RAB3GAP2: variants seen among roughly 807,000 people sequenced by gnomAD.
RAB3GAP2 encodes the protein RAB3 GTPase activating non-catalytic protein subunit 2.
RAB3GAP2 carries 87 observed loss-of-function variants against 185.3 expected under a neutral mutation model. That is an observed-to-expected ratio of 0.47 (90% CI 0.39 to 0.56). The LOEUF is 0.56. Ranked by LOEUF, RAB3GAP2 falls within the 20% of genes least tolerant of loss-of-function variation. The pLI is 0.00. For missense variants in RAB3GAP2, 1,492 were observed against 1,638.2 expected (o/e 0.91, Z 1.54); for synonymous variants, 554 against 576.1 (o/e 0.96, Z 0.55).
intron 17 of RAB3GAP2, among the ~76,000 whole-genome samples, chr1:220,188,396 A>C (rs145452908): frequency 6.6e-5 from 10 of 152,312 alleles, no homozygotes; most frequent in African/African-American, 2.4e-4. Flanking sequence ...AGAGTTATCC[A>C]TGGGGATCGA....
At chr1:220,182,068 T>A (rs1004507917) in intron 21 of RAB3GAP2, among the ~76,000 whole-genome samples, 189 bp downstream of exon 21, 1 of 137,466 alleles carries the variant, frequency 7.3e-6, no homozygotes, top group African/African-American at 3.0e-5. Context: ...AATTACAGGG[T>A]ATAAGAAAAA....
At chr1:220,205,880 G>A (rs767978721) in intron 8 of RAB3GAP2, 27 bp downstream of exon 8, 3 of 1,449,710 alleles carry the variant, frequency 2.1e-6, no homozygotes, top group Non-Finnish European at 1.9e-6. Context: ...ATTAACAGAG[G>A]TTAAATATTT....
Position 220,196,427 on chromosome 1 carries a change from G to A in RAB3GAP2, c.812-29C>T, listed in dbSNP as rs1029753822. The A allele has an allele frequency of 1.9e-6, 3 of 1,553,142 alleles. No homozygotes were observed. In the African/African-American group the frequency reaches 4.1e-5, roughly 21 times the overall value. On this transcript the variant is annotated intron_variant, in intron 9 of 34. Transcript: ENST00000358951. The stretch of plus-strand genomic sequence containing the variant: ...ATAAAAAAAAAAAAGTGATTTGAAT[G>A]TACAATGTTATTGCGGTCATTACAT...
intron 1 of RAB3GAP2, chr1:220,267,380 T>C: frequency 3.2e-6 from 4 of 1,239,846 alleles, no homozygotes; most frequent in Non-Finnish European, 4.8e-6. Flanking sequence ...TCTACTTCTC[T>C]TCTGAGTTGA....
chr1:220,189,514 A>C (rs1658571149), intron 17 of RAB3GAP2, among the ~76,000 whole-genome samples, 189 bp downstream of exon 17: 1 of 56,672 alleles, frequency 1.8e-5, no homozygotes, highest in African/African-American at 7.0e-5. Flanking sequence ...CATGAATATT[A>C]ATTTTTTTTT....
intron 33 of RAB3GAP2, 80 bp downstream of exon 33, chr1:220,153,105 T>C (rs1330122003): frequency 4.6e-6 from 5 of 1,089,288 alleles, no homozygotes; most frequent in African/African-American, 1.5e-5. Flanking sequence ...AAAGGCTTCA[T>C]TGGAAACTTA....
At chr1:220,240,191 A>C (rs1219226510) in intron 1 of RAB3GAP2, among the ~76,000 whole-genome samples, 1 of 152,172 alleles carries the variant, frequency 6.6e-6, no homozygotes, top group Admixed American at 6.5e-5. Flanking sequence ...ATTCACATCC[A>C]TAGGAGACGT....
Position 220,153,396 on chromosome 1 carries a change from T to A in RAB3GAP2, c.3656A>T (p.Lys1219Ile). 1 of 1,614,040 alleles carries A rather than the reference T, an allele frequency of 6.2e-7. No homozygotes were observed. Among genetic ancestry groups the A allele is most frequent in the Non-Finnish European group, 8.5e-7 (1 of 1,179,890 alleles). The change falls in exon 33 of 35, where the codon AAA becomes ATA. Residue 1219 changes from lysine to isoleucine, a missense_variant. Coordinates refer to ENST00000358951, the MANE Select transcript of RAB3GAP2 (RefSeq NM_012414.4). ...GGCCTGGACAGCTGCACTGACAACT[T>A]TCAATAAGAACTTGAAAATGGAGAA... ...FISVRQQFLL[K>I]VVSAAVQAQH...
intron 1 of RAB3GAP2, among the ~76,000 whole-genome samples, chr1:220,255,238 CA>C (rs1660014664): frequency 6.6e-6 from 1 of 150,394 alleles, no homozygotes; most frequent in African/African-American, 2.4e-5. Flanking sequence ...ACAACAACAA[CA>C]ACATGAACAA....
At chr1:220,228,790 T>C (rs1471361294) in intron 2 of RAB3GAP2, among the ~76,000 whole-genome samples, 4 of 152,228 alleles carry the variant, frequency 2.6e-5, no homozygotes, top group Non-Finnish European at 1.5e-5. Flanking sequence ...ATGAGGTCTA[T>C]CAACAATTTT....
intron 17 of RAB3GAP2, among the ~76,000 whole-genome samples, chr1:220,186,941 T>C (rs941903118): frequency 2.0e-5 from 3 of 152,228 alleles, no homozygotes; most frequent in African/African-American, 7.2e-5. Context: ...GTCATCATCA[T>C]GTCATCTCTA....
chr1:220,161,523 T>C (rs748638411), intron 28 of RAB3GAP2, among the ~76,000 whole-genome samples: 2 of 152,170 alleles, frequency 1.3e-5, no homozygotes, highest in African/African-American at 2.4e-5. Flanking sequence ...TCTATGCTTA[T>C]ATGTTATGCT....
chr1:220,253,425 C>G (rs1659974322), intron 1 of RAB3GAP2: 2 of 1,324,900 alleles, frequency 1.5e-6, no homozygotes, highest in Non-Finnish European at 2.0e-6. Flanking sequence ...GGTAGAGTGG[C>G]CAGACTGTTA....
intron 21 of RAB3GAP2, among the ~76,000 whole-genome samples, chr1:220,176,742 C>T (rs1385921678): frequency 1.3e-5 from 2 of 152,174 alleles, no homozygotes; most frequent in African/African-American, 4.8e-5. Flanking sequence ...CAACCTCTAT[C>T]TCACAGCAGA....
At chr1:220,219,827 C>T (rs144026956) in intron 2 of RAB3GAP2, among the ~76,000 whole-genome samples, 4 of 152,130 alleles carry the variant, frequency 2.6e-5, no homozygotes, top group Non-Finnish European at 4.4e-5. Context: ...TGATTTCCAG[C>T]GCCAGTTCCA....
chr1:220,203,160 A>C (rs2102876178), intron 8 of RAB3GAP2, among the ~76,000 whole-genome samples: 1 of 152,344 alleles, frequency 6.6e-6, no homozygotes, highest in Admixed American at 6.5e-5. Flanking sequence ...ATAGAAAGAT[A>C]TGTAAAAAGC....
At chr1:220,203,280 G>A (rs1046348478) in intron 8 of RAB3GAP2, among the ~76,000 whole-genome samples, 2 of 152,158 alleles carry the variant, frequency 1.3e-5, no homozygotes, top group African/African-American at 4.8e-5. Flanking sequence ...ATAGATTCAT[G>A]TACATCCCAT....
rs988873488 is a variant in RAB3GAP2 at position 220,227,515 on chromosome 1, G to T, written c.180+5284C>A. ...CTGTGGAGTTTTTAGTGTTTTTGCC[G>T]AACTCAGTAGCAGCCAGTTGGCCTC... On this transcript the variant is annotated intron_variant, in intron 2 of 34. Transcript: ENST00000358951. Among the ~76,000 whole-genome samples, 3 of 152,120 alleles carry T rather than the reference G, an allele frequency of 2.0e-5. No homozygotes were observed. In the East Asian group the frequency reaches 5.8e-4, roughly 29 times the overall value.
intron 1 of RAB3GAP2, among the ~76,000 whole-genome samples, chr1:220,251,802 G>C (rs559535432): frequency 1.3e-5 from 2 of 152,270 alleles, no homozygotes; most frequent in East Asian, 3.9e-4. Context: ...TCACTGATCA[G>C]GCAATTATTA....
Sources: gnomAD v4.1 joint callset for allele counts (sites outside exome capture counted in the v4.1 genomes callset) on GRCh38, gnomAD v4.1.1 for gene constraint, MANE v1.5 for transcripts, NCBI Gene and HGNC (gene_info 2026-07-23, HGNC 2026-07-21) for gene names.